NTN1: variants seen among roughly 807,000 people sequenced by gnomAD.
The protein encoded by NTN1 is netrin-1.
In NTN1, 11 loss-of-function variants were observed where a neutral mutation model predicts 54.2. The observed-to-expected ratio is 0.20, with a 90% CI of 0.13 to 0.34. The LOEUF (loss-of-function observed/expected upper bound fraction) is 0.34. NTN1 is among the 10% of genes least tolerant of loss of function. The pLI is 1.00. For synonymous variants in NTN1, 371 were observed against 382.0 expected, an observed-to-expected ratio of 0.97 and a Z score of 0.33; for missense variants, 740 against 893.1, an observed-to-expected ratio of 0.83 and a Z score of 2.18.
chr17:9,234,846 A>G (rs1300806256), intron 6 of NTN1, among the ~76,000 whole-genome samples: 1 of 151,892 alleles, frequency 6.6e-6, no homozygotes, highest in African/African-American at 2.4e-5. Flanking sequence ...CATCTGCCTC[A>G]TTGACTTCCT....
chr17:9,064,920 C>T (rs539659885), intron 2 of NTN1, among the ~76,000 whole-genome samples: 1 of 151,966 alleles, frequency 6.6e-6, no homozygotes, highest in East Asian at 1.9e-4. Context: ...CACCATGCCC[C>T]ATTCATTTTA....
upstream of NTN1, among the ~76,000 whole-genome samples, chr17:9,017,904 A>T (rs768525295): frequency 6.6e-6 from 1 of 152,218 alleles, no homozygotes; most frequent in Non-Finnish European, 1.5e-5. Context: ...AGTGGTCAGA[A>T]AACAATGTCC....
At chr17:9,034,559 A>T (rs905510019) in intron 2 of NTN1, among the ~76,000 whole-genome samples, 4 of 151,488 alleles carry the variant, frequency 2.6e-5, no homozygotes, top group African/African-American at 4.8e-5. Flanking sequence ...AGTAGCTGAG[A>T]TTACAGGCGT....
chr17:9,090,799 GGA>G (rs1216353476), intron 2 of NTN1, among the ~76,000 whole-genome samples: 1 of 152,184 alleles, frequency 6.6e-6, no homozygotes, highest in African/African-American at 2.4e-5. Context: ...AAGGGGGCAG[GGA>G]GGCTGGCAGG....
the NTN1 span, among the ~76,000 whole-genome samples, chr17:9,011,528 C>A: frequency 5.3e-5 from 8 of 152,334 alleles, no homozygotes; most frequent in East Asian, 1.3e-3. Flanking sequence ...TCAGCAAAGA[C>A]CCTTTTACAC....
At chr17:9,013,221 T>TC in the NTN1 span, among the ~76,000 whole-genome samples, 2,678 of 147,816 alleles carry the variant, frequency 0.018, 73 homozygotes, top group African/African-American at 0.062. Flanking sequence ...TTTTTCTTTT[T>TC]TTTTTTTTTT....
intron 2 of NTN1, among the ~76,000 whole-genome samples, chr17:9,142,000 G>T (rs1002766958): frequency 6.6e-6 from 1 of 152,144 alleles, no homozygotes; most frequent in Non-Finnish European, 1.5e-5. Flanking sequence ...ATTAGCAGGC[G>T]CCTGTAATCC....
At chr17:9,082,307 C>G (rs907364938) in intron 2 of NTN1, among the ~76,000 whole-genome samples, 1 of 152,158 alleles carries the variant, frequency 6.6e-6, no homozygotes, top group Non-Finnish European at 1.5e-5. Flanking sequence ...GTGATCCTCC[C>G]GCCTCAGCCT....
chr17:9,045,564 A>C (rs2091939169), intron 2 of NTN1, among the ~76,000 whole-genome samples: 1 of 152,212 alleles, frequency 6.6e-6, no homozygotes, highest in African/African-American at 2.4e-5. Context: ...TAAAGAGAGG[A>C]GTGTGTTTCA....
intron 3 of NTN1, chr17:9,176,642 T>C (rs2092400796): frequency 6.6e-6 from 1 of 152,234 alleles, no homozygotes; most frequent in Non-Finnish European, 1.5e-5. Context: ...AAAAGTTCTT[T>C]GGGTAATCTC....
intron 2 of NTN1, among the ~76,000 whole-genome samples, chr17:9,067,029 G>A (rs1016426563): frequency 3.4e-5 from 5 of 147,756 alleles, no homozygotes; most frequent in Non-Finnish European, 6.0e-5. Flanking sequence ...ACATTGAGCC[G>A]GAGTCGGCAC....
intron 2 of NTN1, among the ~76,000 whole-genome samples, chr17:9,134,073 T>G (rs1311435448): frequency 1.3e-5 from 2 of 151,190 alleles, no homozygotes; most frequent in Non-Finnish European, 2.9e-5. Flanking sequence ...CACAGCTAAT[T>G]TTTTGTATTT....
intron 3 of NTN1, among the ~76,000 whole-genome samples, chr17:9,168,315 C>T (rs1567727109): frequency 1.3e-5 from 2 of 152,082 alleles, no homozygotes; most frequent in Non-Finnish European, 2.9e-5. Context: ...GGCGGATTAC[C>T]TGAGGTCAGG....
At chr17:9,117,782 A>AAG (rs1567714669) in intron 2 of NTN1, among the ~76,000 whole-genome samples, 1 of 150,902 alleles carries the variant, frequency 6.6e-6, no homozygotes, top group Non-Finnish European at 1.5e-5. Context: ...AAAAAAAAAA[A>AAG]AAAAACAAGC....
intron 2 of NTN1, among the ~76,000 whole-genome samples, chr17:9,035,275 A>G (rs977170544): frequency 3.3e-5 from 5 of 152,186 alleles, no homozygotes; most frequent in African/African-American, 9.6e-5. Context: ...ACTTGGTATA[A>G]ATGGAATCAT....
intron 6 of NTN1, among the ~76,000 whole-genome samples, chr17:9,233,060 G>GCCC (rs1361927636): frequency 6.9e-4 from 105 of 152,196 alleles, no homozygotes; most frequent in African/African-American, 2.4e-3. Context: ...CAACAGGAAG[G>GCCC]TATGGCTGTG....
chr17:9,087,618 A>G (rs1053919023), intron 2 of NTN1, among the ~76,000 whole-genome samples: 1 of 152,162 alleles, frequency 6.6e-6, no homozygotes, highest in African/African-American at 2.4e-5. Context: ...CCCACATACC[A>G]GAGTCCTGGG....
intron 2 of NTN1, among the ~76,000 whole-genome samples, chr17:9,111,252 C>T (rs1050157605): frequency 2.0e-5 from 3 of 152,120 alleles, no homozygotes; most frequent in Admixed American, 1.3e-4. Flanking sequence ...GATCTTTTAT[C>T]AAGATCCTTG....
chr17:9,172,982 A>G (rs2092391373), intron 3 of NTN1: 2 of 151,718 alleles, frequency 1.3e-5, no homozygotes, highest in African/African-American at 4.8e-5. Context: ...AGTGAATTTT[A>G]CTCTATGCAA....
Sources: gnomAD v4.1 joint callset for allele counts (sites outside exome capture counted in the v4.1 genomes callset) on GRCh38, gnomAD v4.1.1 for gene constraint, MANE v1.5 for transcripts, NCBI Gene and HGNC (gene_info 2026-07-23, HGNC 2026-07-21) for gene names.